The following PRDM1 variants were observed in gnomAD, a reference collection of about 807,000 sequenced individuals.
PRDM1 encodes the protein PR domain zinc finger protein 1.
Under a neutral mutation model 62.8 loss-of-function variants are expected in PRDM1, and 13 were observed. The ratio of observed to expected loss-of-function variants is 0.21; its 90% CI spans 0.13 to 0.33. PRDM1 has a LOEUF of 0.33. PRDM1 is among the 10% of genes least tolerant of loss of function. PRDM1 has a pLI of 1.00. For synonymous variants in PRDM1, 396 were observed against 417.6 expected (o/e 0.95, Z 0.63); for missense variants, 895 against 1,058.8 (o/e 0.85, Z 2.15).
At position 106,107,624 on chromosome 6, in the gene PRDM1, AAAG is replaced by A; in HGVS notation, c.*142_*144del. 1.5e-6 allele frequency: 1 copy of A among 668,364 alleles called. No homozygotes were observed. The highest frequency in any genetic ancestry group is 2.3e-6 in the Non-Finnish European group (1 of 438,810). The allele number at this position is 668,364 out of a possible 1,614,324, so 41.4% of individuals were successfully genotyped here. ...ATGGTTTCCCCTCACCTCTGGAATT[AAAG>A]AAGGAACTCCAAAGTTACTGAAATC... On this transcript the variant is annotated 3_prime_UTR_variant, in exon 7 of 7. Coordinates refer to ENST00000369096, the MANE Select transcript of PRDM1 (RefSeq NM_001198.4).
At chr6:106,068,237 G>A (rs1384257692) in intron 1 of PRDM1, among the ~76,000 whole-genome samples, 5 of 151,976 alleles carry the variant, frequency 3.3e-5, no homozygotes, top group African/African-American at 9.7e-5. Flanking sequence ...GATTACAGGC[G>A]GATGCCACGA....
upstream of PRDM1, among the ~76,000 whole-genome samples, chr6:106,044,310 T>C (rs1773043544): frequency 6.6e-6 from 1 of 152,094 alleles, no homozygotes; most frequent in African/African-American, 2.4e-5. Context: ...TTAGAAGAAT[T>C]TAAAGTTATA....
chr6:106,103,322 A>C (rs990279078), intron 4 of PRDM1, among the ~76,000 whole-genome samples: 2 of 152,152 alleles, frequency 1.3e-5, no homozygotes, highest in African/African-American at 4.8e-5. Context: ...AGTTTCACAG[A>C]GTTCATTTCT....
At chr6:106,049,802 A>G (rs1773142837) in intron 1 of PRDM1, among the ~76,000 whole-genome samples, 1 of 152,218 alleles carries the variant, frequency 6.6e-6, no homozygotes, top group Admixed American at 6.5e-5. Context: ...AAATGAATAT[A>G]GGAAAGAATG....
chr6:106,072,277 A>T (rs147092675), intron 1 of PRDM1: 1 of 152,340 alleles, frequency 6.6e-6, no homozygotes, highest in East Asian at 1.9e-4. Context: ...GCAACAACTA[A>T]TTGAATCTGG....
intron 1 of PRDM1, among the ~76,000 whole-genome samples, chr6:106,000,335 C>G (rs11758887): frequency 6.6e-6 from 1 of 152,160 alleles, no homozygotes; most frequent in Non-Finnish European, 1.5e-5. Context: ...ACTCTCAAGG[C>G]TGAGGCAGAG....
chr6:106,091,310 C>T (rs1483671095), intron 2 of PRDM1, among the ~76,000 whole-genome samples: 1 of 152,184 alleles, frequency 6.6e-6, no homozygotes, highest in African/African-American at 2.4e-5. Flanking sequence ...TGATCGAAAT[C>T]CATTATTAAC....
At chr6:106,057,190 A>G (rs1300853362) in intron 1 of PRDM1, among the ~76,000 whole-genome samples, 5 of 152,206 alleles carry the variant, frequency 3.3e-5, no homozygotes, top group Non-Finnish European at 4.4e-5. Context: ...AATGCATTAT[A>G]AGTGTGAGAA....
At chr6:106,018,161 G>T (rs1321447823) in intron 1 of PRDM1, among the ~76,000 whole-genome samples, 1 of 151,428 alleles carries the variant, frequency 6.6e-6, no homozygotes, top group Admixed American at 6.6e-5. Context: ...TTCCTCAACA[G>T]AATACTTTAA....
At position 105,994,362 on chromosome 6, in the gene PRDM1, T is replaced by C. The variant is rs527740637; in HGVS notation, c.-67+723T>C. ...CTGGATTGGACTGCATTCGCCTAAA[T>C]TGCGTAATTAAAAAAAAAAAATACA... On this transcript the variant is annotated intron_variant, in intron 1 of 6. Coordinates refer to the PRDM1 transcript ENST00000652320. The surrounding 1 kb of genome is among the most constrained non-coding windows in gnomAD (Gnocchi z 4.1). Among the ~76,000 whole-genome samples the C allele has an allele frequency of 0.021, 1,613 of 75,864 alleles. 24 individuals carry two copies. Among genetic ancestry groups the C allele is most frequent in the African/African-American group, 0.062 (1,496 of 24,166 alleles). The allele number at this position is 75,864 out of a possible 152,430, so 49.8% of individuals were successfully genotyped here. A position where few individuals can be genotyped will look rare whatever the true frequency, so the allele number is the denominator to read the frequency against.
rs555991112 is a variant in PRDM1 at position 106,105,559 on chromosome 6, C to T, written c.1399C>T (p.Pro467Ser). 1.9e-6 allele frequency: 3 copies of T among 1,612,834 alleles called. No homozygotes were observed. Among genetic ancestry groups the T allele is most frequent in the Non-Finnish European group, 2.5e-6 (3 of 1,179,086 alleles). ...CCCCATGCTCAACCCCACTTCTCTCCCGAGCTCGCTGCCCTCAGATGGAGC... is the reference window on the plus strand; with the variant it reads ...CCCCATGCTCAACCCCACTTCTCTCTCGAGCTCGCTGCCCTCAGATGGAGC... ...PHPMLNPTSL[P>S]SSLPSDGARR... Residue 467 changes from proline (P) to serine (S), a missense_variant, in exon 5 of 7, where the codon CCG becomes TCG. Around this residue, in one of 4 missense-constraint regions of PRDM1, gnomAD observed 444 missense variants for 422.7 expected, o/e 1.05. Transcript: ENST00000369096.
chr6:105,998,917 ATATATATATATATATATTTTTT>A (rs1259470144), intron 1 of PRDM1, among the ~76,000 whole-genome samples: 29 of 3,818 alleles, frequency 7.6e-3, no homozygotes, highest in Non-Finnish European at 9.8e-3. Context: ...ATATATATAT[ATATATATATATATATATTTTTT>A]TTTTTTTTTT....
In PRDM1 at chr6:106,107,515, T is replaced by C. The variant is rs762301087; in HGVS notation, c.*29T>C. ...TTTCAGAAAACACTTATTTTGTTTC[T>C]TAAGTTATGACTTGGTGAGTCAGGG... On this transcript the variant is annotated 3_prime_UTR_variant, in exon 7 of 7. Transcript: ENST00000369096. 2 of 1,558,156 alleles carry C rather than the reference T, an allele frequency of 1.3e-6. No individual in the cohort carries two copies. The highest frequency in any genetic ancestry group is 1.7e-6 in the Non-Finnish European group (2 of 1,149,180).
chr6:106,043,422 G>A (rs566557526), intron 1 of PRDM1, among the ~76,000 whole-genome samples: 1 of 152,230 alleles, frequency 6.6e-6, no homozygotes, highest in South Asian at 2.1e-4. Context: ...GTAAATAATC[G>A]TTGGCTAACT....
At chr6:106,000,292 CA>C (rs1033237613) in intron 1 of PRDM1, among the ~76,000 whole-genome samples, 6 of 151,946 alleles carry the variant, frequency 3.9e-5, no homozygotes, top group African/African-American at 1.5e-4. Flanking sequence ...ATATACAAGC[CA>C]GGGGCAGTGG....
At chr6:106,017,164 T>G (rs1426631015) in intron 1 of PRDM1, among the ~76,000 whole-genome samples, 1 of 152,212 alleles carries the variant, frequency 6.6e-6, no homozygotes, top group Non-Finnish European at 1.5e-5. Flanking sequence ...AGACTATTAG[T>G]TAAGTATTGG....
intron 1 of PRDM1, among the ~76,000 whole-genome samples, chr6:106,005,770 A>G (rs1232640323): frequency 6.6e-6 from 1 of 152,228 alleles, no homozygotes; most frequent in African/African-American, 2.4e-5. Flanking sequence ...AGGAAAATAC[A>G]TAAGACTCTC....
chr6:106,054,573 T>C (rs1773234209), intron 1 of PRDM1, among the ~76,000 whole-genome samples: 1 of 152,252 alleles, frequency 6.6e-6, no homozygotes, highest in Non-Finnish European at 1.5e-5. Context: ...GTGTTTTCTT[T>C]TGTGCTTTAC....
At chr6:106,064,634 T>C (rs1467503119) in intron 1 of PRDM1, among the ~76,000 whole-genome samples, 1 of 152,172 alleles carries the variant, frequency 6.6e-6, no homozygotes, top group African/African-American at 2.4e-5. Flanking sequence ...TTTTCCTGGC[T>C]GTATAGGCAT....
Sources: allele counts gnomAD v4.1 joint callset (sites outside exome capture counted in the v4.1 genomes callset), GRCh38; gene constraint gnomAD v4.1.1; regional missense constraint gnomAD v4.1.1; non-coding constraint Gnocchi (gnomAD v3.1); transcripts MANE v1.5; gene names NCBI Gene and HGNC (gene_info 2026-07-23, HGNC 2026-07-21).